The following CTSB variants were observed in gnomAD, a reference collection of about 807,000 sequenced individuals.
CTSB encodes the protein APP secretase.
Under a neutral mutation model 44.3 loss-of-function variants are expected in CTSB, and 57 were observed. The ratio of observed to expected loss-of-function variants is 1.29; its 90% CI spans 1.04 to 1.60. The LOEUF is 1.60. Ranked by LOEUF, CTSB falls within the 40% of genes most tolerant of loss-of-function variation. The pLI, the probability that CTSB is intolerant of heterozygous loss-of-function variation, is 0.00. For synonymous variants in CTSB, 320 were observed against 168.0 expected (o/e 1.91, Z -7.00); for missense variants, 768 against 443.0 (o/e 1.73, Z -6.59).
chr8:11,845,397 A>G (rs1813097254), intron 9 of CTSB, among the ~76,000 whole-genome samples, 175 bp from the exon 10 acceptor site: 1 of 152,198 alleles, frequency 6.6e-6, no homozygotes, highest in Non-Finnish European at 1.5e-5. Context: ...TCCACGGGCA[A>G]GCCCCCTGCC....
chr8:11,845,874 C>G lies in CTSB; in HGVS notation c.794-85G>C, dbSNP rs1813224963. The G allele has an allele frequency of 2.8e-6, 4 of 1,450,810 alleles. No homozygotes were observed. The South Asian group carries it at 5.9e-5, about 21-fold the overall frequency. 89.9% of individuals were successfully genotyped at this position (1,450,810 alleles called of 1,614,324 possible). A position where few individuals can be genotyped will look rare whatever the true frequency, so the allele number is the denominator to read the frequency against. ...CCCCCCACACTCAGCTGGTCATGCTCCGGGAAGGAGAAACAGCTTCCAGAG... is the reference window on the plus strand; with the variant it reads ...CCCCCCACACTCAGCTGGTCATGCTGCGGGAAGGAGAAACAGCTTCCAGAG... On this transcript the variant is annotated intron_variant, in intron 8 of 9. Coordinates refer to ENST00000353047, the MANE Select transcript of CTSB (RefSeq NM_001908.5).
chr8:11,861,019 T>C (rs1293288), intron 1 of CTSB, among the ~76,000 whole-genome samples: 82,031 of 152,100 alleles, frequency 0.54, 22,173 homozygotes, highest in Non-Finnish European at 0.57. Flanking sequence ...CCTTTCCTTT[T>C]TGAGTATGAA....
chr8:11,845,842 C>A (rs570563904), intron 8 of CTSB, 53 bp from the exon 9 acceptor site: 532 of 1,537,134 alleles, frequency 3.5e-4, no homozygotes, highest in Non-Finnish European at 4.5e-4. Context: ...TCCCACGCCC[C>A]ACAGCACCCC....
At chr8:11,852,832 G>T in intron 2 of CTSB, 137 bp from the exon 3 acceptor site, 1 of 727,540 alleles carries the variant, frequency 1.4e-6, no homozygotes, top group South Asian at 1.8e-5. Context: ...GGGGGCACTG[G>T]GGAACAGCCC....
intron 3 of CTSB, 121 bp from the exon 4 acceptor site, chr8:11,851,101 A>C (rs1245675184): frequency 1.0e-5 from 6 of 575,344 alleles, no homozygotes; most frequent in South Asian, 4.5e-5. Flanking sequence ...AGACATGCCG[A>C]AGAAGGCTGC....
intron 1 of CTSB, chr8:11,865,674 G>A (rs1029668754): frequency 1.3e-5 from 2 of 151,330 alleles, no homozygotes; most frequent in Non-Finnish European, 2.9e-5. Context: ...TCGAAAGGAC[G>A]GTATGTTACT....
At position 11,849,077 on chromosome 8, in the gene CTSB, G is replaced by C; in HGVS notation, c.415C>G (p.Leu139Val). ...CCACACATGCTGCCACAGCATGTGA[G>C]CAGGTCCTCCGCCGACACCTCCACG... ...VSVEVSAEDL[L>V]TCCGSMCGDG... The change falls in exon 5 of 10, where the codon CTC becomes GTC. Residue 139 changes from leucine to valine, a missense_variant. Transcript: ENST00000353047. 1.2e-6 allele frequency: 2 copies of C among 1,613,412 alleles called. No individual in the cohort carries two copies. Among genetic ancestry groups the C allele is most frequent in the Non-Finnish European group, 1.7e-6 (2 of 1,179,726 alleles).
chr8:11,852,495 C>A, intron 3 of CTSB, 115 bp downstream of exon 3: 1 of 657,948 alleles, frequency 1.5e-6, no homozygotes, highest in South Asian at 2.1e-5. Flanking sequence ...TGTCGGCAGC[C>A]CTGGGCAGCA....
rs1182397283 is a variant in CTSB, at chr8:11,844,961, G to A, written c.*164C>T. The A allele has an allele frequency of 4.9e-6, 3 of 614,824 alleles. No homozygotes were observed. Among genetic ancestry groups the A allele is most frequent in the African/African-American group, 1.8e-5 (1 of 54,492 alleles). The allele number at this position is 614,824 out of a possible 1,614,324, so 38.1% of individuals were successfully genotyped here. The stretch of plus-strand genomic sequence containing the variant: ...CCTGTCTGCACTGTAACCACAGGCT[G>A]GGATGTAGCCAGGACTTGGTCTCCT... On this transcript the variant is annotated 3_prime_UTR_variant, in exon 10 of 10. Coordinates refer to ENST00000353047, the MANE Select transcript of CTSB (RefSeq NM_001908.5).
At chr8:11,860,517 G>C (rs1371966481) in intron 1 of CTSB, among the ~76,000 whole-genome samples, 1 of 151,974 alleles carries the variant, frequency 6.6e-6, no homozygotes, top group Admixed American at 6.6e-5. Context: ...CCAACTACTC[G>C]GGAGGCTGAA....
chr8:11,851,315 G>A (rs1016058093), intron 3 of CTSB, among the ~76,000 whole-genome samples: 31 of 152,010 alleles, frequency 2.0e-4, no homozygotes, highest in African/African-American at 7.2e-4. Context: ...TCAGCCTCCT[G>A]AGTAGCTGGG....
At chr8:11,865,350 C>G (rs1816968401) in intron 1 of CTSB, 1 of 152,102 alleles carries the variant, frequency 6.6e-6, no homozygotes, top group East Asian at 1.9e-4. Flanking sequence ...CGAGACCAGC[C>G]TGGCCAACGT....
intron 1 of CTSB, among the ~76,000 whole-genome samples, chr8:11,863,838 T>A (rs1253423830): frequency 6.6e-6 from 1 of 152,166 alleles, no homozygotes; most frequent in African/African-American, 2.4e-5. Context: ...AGTAAATTGA[T>A]GCAACCACAC....
At chr8:11,861,983 G>A (rs188193659) in intron 1 of CTSB, among the ~76,000 whole-genome samples, 209 of 151,740 alleles carry the variant, frequency 1.4e-3, no homozygotes, top group Middle Eastern at 3.4e-3. Flanking sequence ...TGAGGTGGGC[G>A]AATCACGAGG....
In CTSB at chr8:11,845,436, C is replaced by T. The variant is rs534653451; in HGVS notation, c.923-214G>A. 1.1e-4 allele frequency among the ~76,000 whole-genome samples: 17 copies of T among 152,292 alleles called. No homozygotes were observed. The East Asian group carries it at 1.7e-3, about 16-fold the overall frequency. ...TCACCCTTCCCATCACAGGATCTGG[C>T]GCGATGCTGTGGGAACTGTTGCAGG... On this transcript the variant is annotated intron_variant, in intron 9 of 9. Transcript: ENST00000353047.
rs771667636 is a variant in CTSB, at chr8:11,845,786, A to G, written c.797T>C (p.Val266Ala). 5 of 1,610,986 alleles carry G rather than the reference A, an allele frequency of 3.1e-6. No homozygotes were observed. The South Asian group carries it at 3.3e-5, about 11-fold the overall frequency. ...YSDFLLYKSGVYQHVTGEMMG... is the reference protein window; with the variant it reads ...YSDFLLYKSGAYQHVTGEMMG... ...CATCTCTCCGGTGACGTGTTGGTAC[A>G]CTCCTGAAAAGGGAAGAACTGGCTG... The change falls in exon 9 of 10, where the codon GTG becomes GCG. Residue 266 changes from valine to alanine, a missense_variant. Physicochemically the swap from Val to Ala is moderately conservative, Grantham distance 64. Coordinates refer to ENST00000353047, the MANE Select transcript of CTSB (RefSeq NM_001908.5).
chr8:11,860,032 A>G lies in CTSB; in HGVS notation c.-25-6553T>C, dbSNP rs561995460. Among the ~76,000 whole-genome samples, 6 of 152,090 alleles carry G rather than the reference A, an allele frequency of 3.9e-5. No individual in the cohort carries two copies. The South Asian group carries it at 1.2e-3, about 32-fold the overall frequency. On this transcript the variant is annotated intron_variant, in intron 1 of 9. Coordinates refer to ENST00000353047, the MANE Select transcript of CTSB (RefSeq NM_001908.5). Reference sequence around the variant, plus strand: ...GGTTGCAGTGAGCCAAGATCACACCACTGCACTCCAGCCTGGGCGACAGAG... The same window carrying G: ...GGTTGCAGTGAGCCAAGATCACACCGCTGCACTCCAGCCTGGGCGACAGAG...
chr8:11,847,741 G>C lies in CTSB; in HGVS notation c.614C>G (p.Pro205Arg), dbSNP rs1275150010. 1 of 1,601,010 alleles carries C rather than the reference G, an allele frequency of 6.2e-7. No homozygotes were observed. Among genetic ancestry groups the C allele is most frequent in the Non-Finnish European group, 8.5e-7 (1 of 1,175,726 alleles). Residue 205 changes from proline to arginine, a missense_variant, in exon 7 of 10, where the codon CCC (proline) becomes CGC (arginine). By Grantham distance (103) the Pro-to-Arg change is moderately radical. Transcript: ENST00000353047. ...RPPCTGEGDT[P>R]KCSKICEPGY... ...AGGCTCACAGATCTTGCTACACTTG[G>C]GGGTATCTCCCTCCCCCGTGCATGG... is the stretch of plus-strand genomic sequence containing the variant.
At chr8:11,849,445 ACT>A (rs1392215714) in intron 4 of CTSB, 1 of 246,438 alleles carries the variant, frequency 4.1e-6, no homozygotes, top group Non-Finnish European at 8.3e-6. Context: ...CACTTGCCCC[ACT>A]CTCCTGCCTC....
Sources: allele counts gnomAD v4.1 joint callset (sites outside exome capture counted in the v4.1 genomes callset), GRCh38; gene constraint gnomAD v4.1.1; transcripts MANE v1.5; gene names NCBI Gene and HGNC (gene_info 2026-07-23, HGNC 2026-07-21).